The following ATP8A2 variants were observed in gnomAD, a reference collection of about 807,000 sequenced individuals.
ATP8A2 encodes the protein ATPase phospholipid transporting 8A2.
Under a neutral mutation model 165.6 loss-of-function variants are expected in ATP8A2, and 100 were observed. The ratio of observed to expected loss-of-function variants is 0.60; its 90% CI spans 0.51 to 0.71. The LOEUF is 0.71. Among genes scored for constraint, ATP8A2 ranks in the 30% least tolerant of loss-of-function variants. ATP8A2 has a pLI of 0.00. For synonymous variants in ATP8A2, 543 were observed against 548.8 expected (o/e 0.99, Z 0.15); for missense variants, 1,227 against 1,479.5 (o/e 0.83, Z 2.80).
At chr13:25,944,748 A>G (rs1376149133) in intron 33 of ATP8A2, 2 of 152,250 alleles carry the variant, frequency 1.3e-5, no homozygotes, top group Non-Finnish European at 2.9e-5. Flanking sequence ...CCTGGGCAGC[A>G]TAATGTGAGT....
chr13:25,880,223 T>C (rs1332390721), intron 33 of ATP8A2, among the ~76,000 whole-genome samples: 2 of 152,202 alleles, frequency 1.3e-5, no homozygotes, highest in African/African-American at 4.8e-5. Context: ...AATAACAATT[T>C]TCCTTTCCCT....
chr13:25,870,452 G>A (rs1280702270), intron 33 of ATP8A2, among the ~76,000 whole-genome samples: 1 of 152,120 alleles, frequency 6.6e-6, no homozygotes, highest in Non-Finnish European at 1.5e-5. Context: ...TCATTTAAAG[G>A]GACCACTCCC....
At chr13:25,446,081 T>C (rs528215025) in intron 1 of ATP8A2, among the ~76,000 whole-genome samples, 5 of 152,312 alleles carry the variant, frequency 3.3e-5, no homozygotes, top group East Asian at 1.9e-4. Flanking sequence ...CAATTATCCA[T>C]AGAGCGCTGT....
chr13:25,952,980 T>C (rs1273698043), intron 33 of ATP8A2, among the ~76,000 whole-genome samples: 3 of 152,012 alleles, frequency 2.0e-5, no homozygotes, highest in East Asian at 1.9e-4. Context: ...ACAAAGAAGC[T>C]CCCTTGACGT....
At chr13:25,775,098 C>A in intron 27 of ATP8A2, 139 bp downstream of exon 27, 1 of 574,474 alleles carries the variant, frequency 1.7e-6, no homozygotes, top group Non-Finnish European at 3.0e-6. Context: ...GCCTGGGTCA[C>A]ATGTAAGCTC....
chr13:25,885,740 A>G (rs557859592), intron 33 of ATP8A2, among the ~76,000 whole-genome samples: 1 of 152,336 alleles, frequency 6.6e-6, no homozygotes, highest in African/African-American at 2.4e-5. Context: ...ATTCAATCAG[A>G]GCAGGGTATT....
chr13:25,834,933 T>C (rs1343675797), intron 28 of ATP8A2, among the ~76,000 whole-genome samples: 3 of 152,098 alleles, frequency 2.0e-5, no homozygotes, highest in African/African-American at 4.8e-5. Context: ...AGGCAGGAGC[T>C]ACATGACTGG....
intron 1 of ATP8A2, among the ~76,000 whole-genome samples, chr13:25,461,126 G>T (rs1231971999): frequency 6.6e-6 from 1 of 152,196 alleles, no homozygotes; most frequent in African/African-American, 2.4e-5. Flanking sequence ...ACAAGTATTT[G>T]CAGTAATAAG....
intron 24 of ATP8A2, among the ~76,000 whole-genome samples, chr13:25,687,709 C>A (rs1016398353): frequency 1.4e-4 from 21 of 152,162 alleles, no homozygotes; most frequent in Non-Finnish European, 2.8e-4. Context: ...TTCCCATTTC[C>A]TCTCTGGTCC....
intron 33 of ATP8A2, among the ~76,000 whole-genome samples, chr13:25,911,136 T>C (rs1349200721): frequency 1.3e-5 from 2 of 152,004 alleles, no homozygotes; most frequent in East Asian, 3.9e-4. Flanking sequence ...GACCCCTTTC[T>C]CTCCTCTTTT....
intron 1 of ATP8A2, among the ~76,000 whole-genome samples, chr13:25,429,228 G>A (rs940780232): frequency 6.6e-6 from 1 of 151,840 alleles, no homozygotes; most frequent in African/African-American, 2.4e-5. Flanking sequence ...AAGTTAGTCC[G>A]GTGTGGTGGT....
chr13:25,773,610 T>C (rs1289700220), intron 26 of ATP8A2, among the ~76,000 whole-genome samples: 1 of 152,176 alleles, frequency 6.6e-6, no homozygotes, highest in Non-Finnish European at 1.5e-5. Context: ...CCTGACTGCA[T>C]AGCACTCTGG....
At chr13:25,410,068 A>C (rs565899244) in intron 1 of ATP8A2, among the ~76,000 whole-genome samples, 2 of 151,186 alleles carry the variant, frequency 1.3e-5, no homozygotes, top group East Asian at 2.0e-4. Flanking sequence ...GATTTTCTGA[A>C]TACATCACAT....
intron 9 of ATP8A2, among the ~76,000 whole-genome samples, chr13:25,542,443 T>G (rs1375121328): frequency 6.6e-6 from 1 of 152,070 alleles, no homozygotes; most frequent in Non-Finnish European, 1.5e-5. Flanking sequence ...TTTAGAAAGT[T>G]GAGTGAAATG....
chr13:25,934,114 A>T (rs1251494286), intron 33 of ATP8A2, among the ~76,000 whole-genome samples: 3 of 152,246 alleles, frequency 2.0e-5, no homozygotes, highest in Non-Finnish European at 4.4e-5. Context: ...AAATGAAAAT[A>T]CTTAGTGTCA....
chr13:25,866,738 A>G (rs952947710), intron 33 of ATP8A2, among the ~76,000 whole-genome samples: 3 of 152,206 alleles, frequency 2.0e-5, no homozygotes, highest in Non-Finnish European at 4.4e-5. Context: ...GTAAATCTCC[A>G]GGTGATTCTT....
intron 22 of ATP8A2, among the ~76,000 whole-genome samples, chr13:25,580,240 A>T (rs1566295256): frequency 6.6e-6 from 1 of 152,180 alleles, no homozygotes. Flanking sequence ...AATGAGATTA[A>T]CTCACGCTGT....
At chr13:25,871,103 T>A (rs1401248146) in intron 33 of ATP8A2, 1 of 289,184 alleles carries the variant, frequency 3.5e-6, no homozygotes, top group East Asian at 1.1e-4. Context: ...GCGGCTTTGA[T>A]TGAGTGGTTT....
chr13:25,455,932 C>T (rs2035353406), intron 1 of ATP8A2, among the ~76,000 whole-genome samples: 1 of 151,898 alleles, frequency 6.6e-6, no homozygotes. Flanking sequence ...TACTCCTTGC[C>T]CTCCTCTTCA....
Sources: gnomAD v4.1 joint callset for allele counts (sites outside exome capture counted in the v4.1 genomes callset) on GRCh38, gnomAD v4.1.1 for gene constraint, MANE v1.5 for transcripts, NCBI Gene and HGNC (gene_info 2026-07-23, HGNC 2026-07-21) for gene names.